Variants in PCDHGB2 observed in about 807,000 individuals in gnomAD.
PCDHGB2 encodes the protein protocadherin gamma-B2.
Under a neutral mutation model 59.3 loss-of-function variants are expected in PCDHGB2, and 55 were observed. The observed-to-expected ratio is 0.93, with a 90% confidence interval of 0.75 to 1.16. The LOEUF (loss-of-function observed/expected upper bound fraction) is 1.16, where lower values mean the gene tolerates loss of function less well. Ranked by LOEUF, PCDHGB2 falls within the 50% of genes most tolerant of loss-of-function variation. PCDHGB2 has a pLI of 0.00. For synonymous variants in PCDHGB2, 516 were observed against 512.0 expected, an observed-to-expected ratio of 1.01 and a Z score of -0.11; for missense variants, 1,228 against 1,198.5, an observed-to-expected ratio of 1.02 and a Z score of -0.36.
At chr5:141,397,896 C>G (rs371654961) in intron 1 of PCDHGB2, 48 of 650,728 alleles carry the variant, frequency 7.4e-5, no homozygotes, top group African/African-American at 2.0e-4. Flanking sequence ...GGCCAAAGTG[C>G]AGAGCTTGGC....
At chr5:141,457,522 G>A (rs1200640017) in intron 1 of PCDHGB2, among the ~76,000 whole-genome samples, 1 of 152,188 alleles carries the variant, frequency 6.6e-6, no homozygotes, top group Non-Finnish European at 1.5e-5. Flanking sequence ...AACAATTAAT[G>A]AGACTAGGGT....
intron 1 of PCDHGB2, chr5:141,393,176 A>G: frequency 1.9e-6 from 3 of 1,613,294 alleles, no homozygotes; most frequent in East Asian, 2.2e-5. Context: ...GGGTAGAAAT[A>G]GAAATAATTG....
At chr5:141,385,448 AC>A (rs1336219074) in intron 1 of PCDHGB2, 2 of 1,449,614 alleles carry the variant, frequency 1.4e-6, no homozygotes, top group Non-Finnish European at 9.1e-7. Flanking sequence ...AAATGAGTTT[AC>A]CAGTTTCCTT....
intron 1 of PCDHGB2, among the ~76,000 whole-genome samples, chr5:141,438,771 C>T (rs1056879944): frequency 1.3e-5 from 2 of 149,126 alleles, no homozygotes; most frequent in Non-Finnish European, 3.0e-5. Flanking sequence ...AAGCGATTCT[C>T]CTGCCTCAGC....
At chr5:141,399,348 C>G (rs1287526689) in intron 1 of PCDHGB2, 1 of 1,613,940 alleles carries the variant, frequency 6.2e-7, no homozygotes, top group Non-Finnish European at 8.5e-7. Flanking sequence ...GAACCCTAGA[C>G]CGAGAGCAAA....
At chr5:141,388,387 A>G (rs746929136) in intron 1 of PCDHGB2, 5 of 1,614,034 alleles carry the variant, frequency 3.1e-6, no homozygotes, top group South Asian at 2.2e-5. Flanking sequence ...AACACACTGC[A>G]GAATTACCAA....
At chr5:141,500,190 TTA>T (rs551092091) in intron 2 of PCDHGB2, among the ~76,000 whole-genome samples, 3 of 110,960 alleles carry the variant, frequency 2.7e-5, no homozygotes, top group Non-Finnish European at 3.9e-5. Context: ...TTATTTTTAT[TTA>T]TTTATTTATT....
intron 1 of PCDHGB2, among the ~76,000 whole-genome samples, chr5:141,472,561 T>C (rs1000220187): frequency 2.6e-5 from 4 of 151,632 alleles, no homozygotes; most frequent in African/African-American, 9.7e-5. Flanking sequence ...AATTATATTA[T>C]AAATGCTGCA....
chr5:141,393,412 T>A (rs1382243931), intron 1 of PCDHGB2: 3 of 1,614,032 alleles, frequency 1.9e-6, no homozygotes, highest in South Asian at 1.1e-5. Flanking sequence ...GAGCGCGCCC[T>A]GGACAGGGAG....
intron 1 of PCDHGB2, chr5:141,374,156 G>A: frequency 6.2e-7 from 1 of 1,612,230 alleles, no homozygotes; most frequent in Non-Finnish European, 8.5e-7. Context: ...GACGCTGTGG[G>A]GGGCCGCGGC....
intron 1 of PCDHGB2, among the ~76,000 whole-genome samples, chr5:141,488,238 C>G (rs374846692): frequency 6.6e-6 from 1 of 152,154 alleles, no homozygotes; most frequent in African/African-American, 2.4e-5. Context: ...GAACTAGATG[C>G]GGTAAATTGG....
rs201458472 is a variant in PCDHGB2 at position 141,403,860 on chromosome 5, C to T, written c.2421+41304C>T. 1.5e-5 allele frequency: 25 copies of T among 1,613,382 alleles called. No individual in the cohort carries two copies. In the Admixed American group the frequency reaches 2.7e-4, roughly 17 times the overall value. Reference sequence around the variant, plus strand: ...AATGAAAATACTGGGGAAATATCAACAGCAAAAAGTCTAGATTATGAAGAA... The same window carrying T: ...AATGAAAATACTGGGGAAATATCAATAGCAAAAAGTCTAGATTATGAAGAA... On this transcript the variant is annotated intron_variant, in intron 1 of 3. Coordinates refer to ENST00000522605, the MANE Select transcript of PCDHGB2 (RefSeq NM_018923.3).
intron 1 of PCDHGB2, among the ~76,000 whole-genome samples, chr5:141,407,170 AC>A (rs2154538102): frequency 6.6e-6 from 1 of 152,368 alleles, no homozygotes; most frequent in Admixed American, 6.5e-5. Flanking sequence ...ATCCTTTATG[AC>A]ATACAGACAT....
intron 1 of PCDHGB2, chr5:141,397,952 C>A: frequency 1.0e-6 from 1 of 959,530 alleles, no homozygotes; most frequent in Non-Finnish European, 1.5e-6. Context: ...CCAGGGCAGC[C>A]CCAGCTCAGA....
intron 3 of PCDHGB2, among the ~76,000 whole-genome samples, chr5:141,509,353 C>A (rs2099876446): frequency 6.6e-6 from 1 of 152,170 alleles, no homozygotes; most frequent in Non-Finnish European, 1.5e-5. Context: ...CTGGCCTGGG[C>A]ATCCCTGAGG....
At chr5:141,389,426 G>C (rs868246317) in intron 1 of PCDHGB2, 1 of 1,613,498 alleles carries the variant, frequency 6.2e-7, no homozygotes, top group Non-Finnish European at 8.5e-7. Context: ...TGGTGTTCGC[G>C]CAGCGCGCCT....
In PCDHGB2 at chr5:141,410,693, A is replaced by AT. The variant is rs774266569; in HGVS notation, c.2421+48141dup. On this transcript the variant is annotated intron_variant, in intron 1 of 3. Coordinates refer to ENST00000522605, the MANE Select transcript of PCDHGB2 (RefSeq NM_018923.3). ...TCTCATATTTTAGGCATACTACTTT[A>AT]TTTTCATATCTAGAATCATATGTTT... The AT allele has an allele frequency of 1.1e-5, 17 of 1,496,786 alleles. No homozygotes were observed. In the Admixed American group the frequency reaches 3.7e-4, roughly 33 times the overall value. The allele number at this position is 1,496,786 out of a possible 1,614,324, so 92.7% of individuals were successfully genotyped here.
rs984222446 is a variant in PCDHGB2 at position 141,493,942 on chromosome 5, G to T, written c.2422-865G>T. ...ACACACCCCCTGGAAAGACCAGAAG[G>T]GACTCAGGAATGAAGTGGCTGGCCA... On this transcript the variant is annotated intron_variant, in intron 1 of 3. Transcript: ENST00000522605. The surrounding 1 kb of genome is among the most constrained non-coding windows in gnomAD (Gnocchi z 4.3). Among the ~76,000 whole-genome samples the T allele has an allele frequency of 1.3e-5, 2 of 152,168 alleles. No individual in the cohort carries two copies. Among genetic ancestry groups the T allele is most frequent in the Non-Finnish European group, 1.5e-5 (1 of 68,022 alleles).
In PCDHGB2 at chr5:141,408,212, A is replaced by C. The variant is rs1360693546; in HGVS notation, c.2421+45656A>C. ...AGAACCCGAGCGAACGATGGGAGGGAGCTGCGCGCAGAGGCGCCGGGCCGG... is the reference window on the plus strand; with the variant it reads ...AGAACCCGAGCGAACGATGGGAGGGCGCTGCGCGCAGAGGCGCCGGGCCGG... On this transcript the variant is annotated intron_variant, in intron 1 of 3. Coordinates refer to ENST00000522605, the MANE Select transcript of PCDHGB2 (RefSeq NM_018923.3). 1.9e-6 allele frequency: 3 copies of C among 1,554,492 alleles called. No individual in the cohort carries two copies. In the Admixed American group the frequency reaches 5.9e-5, roughly 30 times the overall value.
Sources: allele counts gnomAD v4.1 joint callset (sites outside exome capture counted in the v4.1 genomes callset), GRCh38; gene constraint gnomAD v4.1.1; non-coding constraint Gnocchi (gnomAD v3.1); transcripts MANE v1.5; gene names NCBI Gene and HGNC (gene_info 2026-07-23, HGNC 2026-07-21).